C12orf54: variants seen among roughly 807,000 people sequenced by gnomAD.
The protein encoded by C12orf54 is uncharacterized protein C12orf54.
In C12orf54, 24 loss-of-function variants were observed where a neutral mutation model predicts 26.4. The ratio of observed to expected loss-of-function variants is 0.91; its 90% CI spans 0.66 to 1.28. The LOEUF is 1.28. Among genes scored for constraint, C12orf54 ranks in the 50% most tolerant of loss-of-function variants. The pLI is 0.00. For missense variants in C12orf54, 154 were observed against 150.9 expected, an observed-to-expected ratio of 1.02 and a Z score of -0.11; for synonymous variants, 54 against 47.0, an observed-to-expected ratio of 1.15 and a Z score of -0.61.
At chr12:48,475,210 CA>C in the C12orf54 span, among the ~76,000 whole-genome samples, 21 of 152,204 alleles carry the variant, frequency 1.4e-4, no homozygotes, top group African/African-American at 4.8e-4. Flanking sequence ...GGAAAACTAA[CA>C]AAGAGAAAGG....
At chr12:48,452,712 C>T in the C12orf54 span, among the ~76,000 whole-genome samples, 1 of 152,102 alleles carries the variant, frequency 6.6e-6, no homozygotes, top group Non-Finnish European at 1.5e-5. Flanking sequence ...AAATACATCT[C>T]AAAAGAAGAC....
chr12:48,424,576 G>A, the C12orf54 span, among the ~76,000 whole-genome samples: 2 of 152,108 alleles, frequency 1.3e-5, no homozygotes, highest in African/African-American at 2.4e-5. Context: ...GATTTGGAGA[G>A]CAATTGAAAT....
upstream of C12orf54, chr12:48,482,482 A>G (rs1430876144): frequency 6.6e-6 from 1 of 152,268 alleles, no homozygotes; most frequent in African/African-American, 2.4e-5. Flanking sequence ...CAAGGTTGAT[A>G]TGGGAACAGG....
chr12:48,455,018 G>GTTA, the C12orf54 span, among the ~76,000 whole-genome samples: 1 of 152,140 alleles, frequency 6.6e-6, no homozygotes, highest in Admixed American at 6.5e-5. Context: ...GGTAAATTGC[G>GTTA]TGTCACTGGA....
At chr12:48,488,130 G>T (rs1345357854) in intron 4 of C12orf54, 3 of 794,676 alleles carry the variant, frequency 3.8e-6, no homozygotes, top group East Asian at 4.8e-5. Flanking sequence ...GGAACAGTTT[G>T]CCTGGAGACA....
At chr12:48,445,049 T>C in the C12orf54 span, among the ~76,000 whole-genome samples, 1 of 152,138 alleles carries the variant, frequency 6.6e-6, no homozygotes, top group Admixed American at 6.5e-5. Flanking sequence ...CTTGGGCCTG[T>C]AGTCCCAGCT....
At chr12:48,472,924 G>A in the C12orf54 span, 21 of 1,614,042 alleles carry the variant, frequency 1.3e-5, no homozygotes, top group African/African-American at 4.0e-5. Flanking sequence ...GCAGAAAAGT[G>A]TCCAAACCTC....
chr12:48,483,406 AC>A, intron 2 of C12orf54, 45 bp downstream of exon 2: 4 of 1,582,200 alleles, frequency 2.5e-6, no homozygotes, highest in Non-Finnish European at 3.5e-6. Flanking sequence ...AGATTGCTAT[AC>A]TCTATGGGAG....
chr12:48,446,806 T>G, the C12orf54 span, among the ~76,000 whole-genome samples: 2 of 152,184 alleles, frequency 1.3e-5, no homozygotes, highest in Non-Finnish European at 2.9e-5. Context: ...ATATTTAACT[T>G]TTGGTTTTTT....
At chr12:48,442,694 G>C in the C12orf54 span, 1 of 165,114 alleles carries the variant, frequency 6.1e-6, no homozygotes, top group East Asian at 1.8e-4. Flanking sequence ...TTTCTTCTCA[G>C]ACAGGAGGTT....
the C12orf54 span, among the ~76,000 whole-genome samples, chr12:48,455,314 A>G: frequency 1.1e-4 from 16 of 152,358 alleles, no homozygotes; most frequent in African/African-American, 2.9e-4. Flanking sequence ...TCTATGGTGT[A>G]TATATACCAC....
chr12:48,415,873 C>A, the C12orf54 span, among the ~76,000 whole-genome samples: 1 of 152,102 alleles, frequency 6.6e-6, no homozygotes, highest in Admixed American at 6.6e-5. Flanking sequence ...TGCAACCAAC[C>A]AGCCAAACTA....
At chr12:48,475,005 G>A in the C12orf54 span, among the ~76,000 whole-genome samples, 1 of 152,172 alleles carries the variant, frequency 6.6e-6, no homozygotes, top group African/African-American at 2.4e-5. Flanking sequence ...CCCAGTAGGG[G>A]CAGACTGACA....
the C12orf54 span, among the ~76,000 whole-genome samples, chr12:48,432,414 C>T: frequency 6.6e-6 from 1 of 152,034 alleles, no homozygotes; most frequent in Admixed American, 6.6e-5. Flanking sequence ...GTTCAGAAAA[C>T]ACAAACAAAA....
the C12orf54 span, among the ~76,000 whole-genome samples, chr12:48,434,332 G>A: frequency 0.043 from 6,478 of 152,292 alleles, 472 homozygotes; most frequent in African/African-American, 0.15. Flanking sequence ...CTCCACCTCT[G>A]GGGGCAGGGC....
chr12:48,456,005 A>T, the C12orf54 span, among the ~76,000 whole-genome samples: 1 of 152,206 alleles, frequency 6.6e-6, no homozygotes, highest in Non-Finnish European at 1.5e-5. Context: ...TTTTACACTG[A>T]TTATCTCATT....
chr12:48,494,265 A>C (rs562477513), intron 7 of C12orf54, among the ~76,000 whole-genome samples: 50 of 152,198 alleles, frequency 3.3e-4, no homozygotes, highest in African/African-American at 1.1e-3. Flanking sequence ...CCGAACCAGG[A>C]AATGGAAAAG....
chr12:48,486,623 T>C (rs1954269845), intron 3 of C12orf54, 65 bp from the exon 4 acceptor site: 1 of 1,491,932 alleles, frequency 6.7e-7, no homozygotes, highest in Non-Finnish European at 9.3e-7. Context: ...AGTTTCATAA[T>C]GTGTCACTTC....
the C12orf54 span, among the ~76,000 whole-genome samples, chr12:48,451,342 A>C: frequency 1.1e-4 from 16 of 152,184 alleles, no homozygotes; most frequent in African/African-American, 3.9e-4. Flanking sequence ...ACATACCTCA[A>C]AATAATAAGG....
Sources: gnomAD v4.1 joint callset for allele counts (sites outside exome capture counted in the v4.1 genomes callset) on GRCh38, gnomAD v4.1.1 for gene constraint, MANE v1.5 for transcripts, NCBI Gene and HGNC (gene_info 2026-07-23, HGNC 2026-07-21) for gene names.